Variants in PRDM6 observed in about 807,000 individuals in gnomAD.
PRDM6 encodes putative histone-lysine N-methyltransferase PRDM6.
PRDM6 carries 25 observed loss-of-function variants against 60.8 expected under a neutral mutation model. That is an observed-to-expected ratio of 0.41 (90% CI 0.30 to 0.57). The LOEUF is 0.57. Among genes scored for constraint, PRDM6 ranks in the 20% least tolerant of loss-of-function variants. The pLI, the probability that PRDM6 is intolerant of heterozygous loss-of-function variation, is 0.27. For synonymous variants in PRDM6, 407 were observed against 357.4 expected, an observed-to-expected ratio of 1.14 and a Z score of -1.57; for missense variants, 839 against 821.3, an observed-to-expected ratio of 1.02 and a Z score of -0.26.
At chr5:123,145,622 T>C (rs1029016764) in intron 3 of PRDM6, among the ~76,000 whole-genome samples, 45 of 152,298 alleles carry the variant, frequency 3.0e-4, no homozygotes, top group African/African-American at 1.1e-3. Context: ...GCTTCATCTC[T>C]TGCATAGTTG....
chr5:123,111,220 T>TA (rs755897362), intron 3 of PRDM6, among the ~76,000 whole-genome samples: 3 of 152,144 alleles, frequency 2.0e-5, no homozygotes, highest in African/African-American at 4.8e-5. Context: ...TGCCATAATT[T>TA]AAAAAAATCT....
intron 3 of PRDM6, among the ~76,000 whole-genome samples, chr5:123,148,006 G>A (rs1291027981): frequency 1.3e-5 from 2 of 152,194 alleles, no homozygotes; most frequent in African/African-American, 4.8e-5. Flanking sequence ...CTGACCCACA[G>A]TGTGACCAAA....
At chr5:123,098,666 T>C (rs899738611) in intron 2 of PRDM6, among the ~76,000 whole-genome samples, 1 of 152,202 alleles carries the variant, frequency 6.6e-6, no homozygotes, top group East Asian at 1.9e-4. Flanking sequence ...CTTCACCCAT[T>C]GTATAGCACA....
intron 3 of PRDM6, among the ~76,000 whole-genome samples, chr5:123,129,024 G>C (rs59702765): frequency 6.6e-6 from 1 of 152,224 alleles, no homozygotes; most frequent in South Asian, 2.1e-4. Context: ...ATAGGGAATC[G>C]TTTCCCCATT....
chr5:123,104,161 A>G (rs913146246), intron 3 of PRDM6, among the ~76,000 whole-genome samples: 4 of 152,118 alleles, frequency 2.6e-5, no homozygotes, highest in African/African-American at 7.2e-5. Flanking sequence ...TCTATTTTTC[A>G]TCATTACTGC....
At chr5:123,098,201 G>A (rs949649524) in intron 2 of PRDM6, among the ~76,000 whole-genome samples, 1 of 152,238 alleles carries the variant, frequency 6.6e-6, no homozygotes. Flanking sequence ...GGCTGGCGGC[G>A]GCAGGTACCC....
At chr5:123,090,696 G>A in intron 2 of PRDM6, 90 bp downstream of exon 2, 1 of 564,612 alleles carries the variant, frequency 1.8e-6, no homozygotes, top group South Asian at 2.2e-5. Flanking sequence ...GGGTCGGATA[G>A]GAGTGACACG....
intron 3 of PRDM6, among the ~76,000 whole-genome samples, chr5:123,105,413 A>G (rs1055648756): frequency 1.3e-5 from 2 of 152,224 alleles, no homozygotes; most frequent in African/African-American, 4.8e-5. Flanking sequence ...CCTGCAGGGG[A>G]ATCTTCTTAT....
intron 3 of PRDM6, among the ~76,000 whole-genome samples, chr5:123,148,833 A>G (rs964585354): frequency 6.6e-6 from 1 of 152,174 alleles, no homozygotes; most frequent in Non-Finnish European, 1.5e-5. Flanking sequence ...GAAGAGCTCT[A>G]CATTTCTCTC....
At chr5:123,127,271 C>A (rs1364475715) in intron 3 of PRDM6, among the ~76,000 whole-genome samples, 1 of 152,208 alleles carries the variant, frequency 6.6e-6, no homozygotes, top group Non-Finnish European at 1.5e-5. Flanking sequence ...CTCTTGACCT[C>A]AGGTGATCCA....
intron 3 of PRDM6, among the ~76,000 whole-genome samples, chr5:123,111,227 A>G (rs1157060260): frequency 6.6e-6 from 1 of 152,216 alleles, no homozygotes; most frequent in Non-Finnish European, 1.5e-5. Context: ...ATTTAAAAAA[A>G]TCTATGTTTT....
chr5:123,164,236 C>T (rs983353443), intron 5 of PRDM6, among the ~76,000 whole-genome samples: 6 of 152,154 alleles, frequency 3.9e-5, no homozygotes, highest in Non-Finnish European at 7.4e-5. Flanking sequence ...AGCTTGAGCT[C>T]GGGGCTGTCA....
In PRDM6 at chr5:123,190,180, G is replaced by C. The variant is rs995232284; in HGVS notation, c.*2979G>C. On this transcript the variant is annotated 3_prime_UTR_variant, in exon 8 of 8. Coordinates refer to ENST00000407847, the MANE Select transcript of PRDM6 (RefSeq NM_001136239.4). The stretch of plus-strand genomic sequence containing the variant: ...CTTCTTTACTCTTTTCTTTCAATGG[G>C]GATAAAATAATAATAATTTTTTCAG... The C allele has an allele frequency of 3.9e-5, 6 of 151,998 alleles. No individual in the cohort carries two copies. The highest frequency in any genetic ancestry group is 1.5e-4 in the African/African-American group (6 of 41,372). 9.4% of individuals were successfully genotyped at this position (151,998 alleles called of 1,614,324 possible).
intron 3 of PRDM6, among the ~76,000 whole-genome samples, chr5:123,102,978 A>C (rs991942023): frequency 1.3e-5 from 2 of 151,998 alleles, no homozygotes; most frequent in Admixed American, 1.3e-4. Flanking sequence ...TAGAAGCTCT[A>C]TTTTCTTTGT....
chr5:123,121,346 T>A (rs1373147154), intron 3 of PRDM6, among the ~76,000 whole-genome samples: 2 of 152,204 alleles, frequency 1.3e-5, no homozygotes, highest in Admixed American at 1.3e-4. Context: ...CCAACTTTTC[T>A]TTTTTTGCTT....
intron 2 of PRDM6, among the ~76,000 whole-genome samples, chr5:123,094,705 G>C (rs763628191): frequency 6.6e-6 from 1 of 152,106 alleles, no homozygotes; most frequent in Admixed American, 6.5e-5. Flanking sequence ...GTAGGAGAGA[G>C]TGGAGCCAGC....
intron 3 of PRDM6, among the ~76,000 whole-genome samples, chr5:123,142,646 A>G (rs753235139): frequency 3.3e-5 from 5 of 152,134 alleles, no homozygotes; most frequent in Non-Finnish European, 7.4e-5. Context: ...AAATCCAGCA[A>G]TAGACAGTGC....
At chr5:123,119,132 G>T (rs1764522191) in intron 3 of PRDM6, among the ~76,000 whole-genome samples, 1 of 152,118 alleles carries the variant, frequency 6.6e-6, no homozygotes, top group South Asian at 2.1e-4. Flanking sequence ...TGACTGATGT[G>T]TAGTAGGTAG....
chr5:123,168,393 A>G (rs181883129), intron 5 of PRDM6, among the ~76,000 whole-genome samples: 16 of 151,010 alleles, frequency 1.1e-4, no homozygotes, highest in African/African-American at 3.2e-4. Context: ...GTATGGTCAG[A>G]AAAAAAAAAT....
Sources: allele counts gnomAD v4.1 joint callset (sites outside exome capture counted in the v4.1 genomes callset), GRCh38; gene constraint gnomAD v4.1.1; transcripts MANE v1.5; gene names NCBI Gene and HGNC (gene_info 2026-07-23, HGNC 2026-07-21).